KCNH1: variants seen among roughly 807,000 people sequenced by gnomAD.
KCNH1 encodes voltage-gated delayed rectifier potassium channel KCNH1.
KCNH1 carries 27 observed loss-of-function variants against 69.2 expected under a neutral mutation model. That is an observed-to-expected ratio of 0.39 (90% CI 0.29 to 0.54). The LOEUF is 0.54. KCNH1 is among the 20% of genes least tolerant of loss of function. The pLI is 0.68. For missense variants in KCNH1, 798 were observed against 1,261.6 expected (o/e 0.63, Z 5.57); for synonymous variants, 456 against 487.7 (o/e 0.93, Z 0.86).
At chr1:211,110,374 T>C (rs2102488572) in intron 1 of KCNH1, among the ~76,000 whole-genome samples, 1 of 152,198 alleles carries the variant, frequency 6.6e-6, no homozygotes, top group African/African-American at 2.4e-5. Context: ...GACTAGAAGT[T>C]CCAAAAGAGA....
At chr1:210,707,077 G>A (rs1197059202) in intron 10 of KCNH1, among the ~76,000 whole-genome samples, 2 of 151,042 alleles carry the variant, frequency 1.3e-5, no homozygotes, top group African/African-American at 5.0e-5. Context: ...GCGCGCGCAC[G>A]TGTATGTGTG....
chr1:210,773,626 T>C (rs1366163491), intron 10 of KCNH1, among the ~76,000 whole-genome samples: 1 of 151,360 alleles, frequency 6.6e-6, no homozygotes, highest in Non-Finnish European at 1.5e-5. Context: ...CAGTAGATCA[T>C]TGGCCCCTTC....
intron 6 of KCNH1, among the ~76,000 whole-genome samples, chr1:210,986,504 G>T (rs1430053949): frequency 6.6e-6 from 1 of 152,070 alleles, no homozygotes; most frequent in Admixed American, 6.5e-5. Context: ...CTCAGCATTT[G>T]CTTGTCTGTA....
intron 7 of KCNH1, among the ~76,000 whole-genome samples, chr1:210,833,529 C>T (rs1412608849): frequency 1.3e-5 from 2 of 152,116 alleles, no homozygotes; most frequent in African/African-American, 2.4e-5. Flanking sequence ...ACACAAAAAT[C>T]AATTCAAGAT....
chr1:211,112,956 T>C (rs1691501794), intron 1 of KCNH1, among the ~76,000 whole-genome samples: 1 of 152,192 alleles, frequency 6.6e-6, no homozygotes, highest in African/African-American at 2.4e-5. Flanking sequence ...ATAAATACCA[T>C]AACACCACAT....
intron 10 of KCNH1, among the ~76,000 whole-genome samples, chr1:210,733,228 T>G (rs1682788134): frequency 6.6e-6 from 1 of 152,214 alleles, no homozygotes; most frequent in South Asian, 2.1e-4. Context: ...GGGTAGATAT[T>G]TTCTGAATGG....
At chr1:210,914,578 T>A (rs1043139365) in intron 7 of KCNH1, among the ~76,000 whole-genome samples, 1 of 151,982 alleles carries the variant, frequency 6.6e-6, no homozygotes, top group Non-Finnish European at 1.5e-5. Flanking sequence ...TGTCTCTTCC[T>A]CCCAGGCAAG....
chr1:210,980,305 C>T (rs570286276), intron 6 of KCNH1, among the ~76,000 whole-genome samples: 38 of 152,294 alleles, frequency 2.5e-4, no homozygotes, highest in African/African-American at 8.9e-4. Context: ...GGCCCATAAT[C>T]AGAAAAGATC....
chr1:210,985,105 T>A (rs1688803149), intron 6 of KCNH1, among the ~76,000 whole-genome samples: 1 of 152,236 alleles, frequency 6.6e-6, no homozygotes, highest in Non-Finnish European at 1.5e-5. Flanking sequence ...TGGTAGTTCG[T>A]ATTTCTGTGG....
intron 6 of KCNH1, among the ~76,000 whole-genome samples, chr1:210,984,414 T>A (rs1340008098): frequency 1.3e-5 from 2 of 152,168 alleles, no homozygotes; most frequent in Non-Finnish European, 2.9e-5. Flanking sequence ...GTGGGTTTGT[T>A]ATAGATAGCT....
intron 6 of KCNH1, among the ~76,000 whole-genome samples, chr1:210,930,367 C>A (rs1234202499): frequency 6.6e-6 from 1 of 151,992 alleles, no homozygotes. Flanking sequence ...AATAAGGAAC[C>A]CAGAAATAAA....
chr1:211,026,293 C>T (rs1354807109), intron 5 of KCNH1, among the ~76,000 whole-genome samples: 1 of 149,728 alleles, frequency 6.7e-6, no homozygotes, highest in African/African-American at 2.5e-5. Context: ...CAGTGGTGAG[C>T]TCTCTGGGTT....
intron 7 of KCNH1, among the ~76,000 whole-genome samples, chr1:210,821,510 T>A (rs560128601): frequency 6.6e-6 from 1 of 152,194 alleles, no homozygotes; most frequent in African/African-American, 2.4e-5. Context: ...GTATCACCTA[T>A]AAACTGCAGT....
At chr1:210,769,946 C>A (rs956215796) in intron 10 of KCNH1, among the ~76,000 whole-genome samples, 3 of 152,122 alleles carry the variant, frequency 2.0e-5, no homozygotes, top group African/African-American at 4.8e-5. Flanking sequence ...GTGGTTCCTG[C>A]AGGTAATGTG....
chr1:210,907,260 C>A (rs558973135), intron 7 of KCNH1, among the ~76,000 whole-genome samples: 1 of 152,156 alleles, frequency 6.6e-6, no homozygotes, highest in Non-Finnish European at 1.5e-5. Flanking sequence ...GGTACAATGG[C>A]TCTTCTTAAG....
At chr1:210,968,005 T>A (rs886384923) in intron 6 of KCNH1, among the ~76,000 whole-genome samples, 2 of 152,160 alleles carry the variant, frequency 1.3e-5, no homozygotes, top group African/African-American at 4.8e-5. Flanking sequence ...CTCCCGATGC[T>A]ATCCCCGCCC....
At chr1:210,964,258 G>A (rs1008433420) in intron 6 of KCNH1, among the ~76,000 whole-genome samples, 3 of 152,128 alleles carry the variant, frequency 2.0e-5, no homozygotes, top group Admixed American at 6.5e-5. Context: ...GTCACCACCA[G>A]GCCTGCCTTA....
intron 7 of KCNH1, among the ~76,000 whole-genome samples, chr1:210,832,723 T>G (rs1340293675): frequency 6.6e-6 from 1 of 151,966 alleles, no homozygotes; most frequent in Non-Finnish European, 1.5e-5. Flanking sequence ...TTCTTTATAC[T>G]TGACAGAGCA....
At chr1:210,998,319 C>A (rs547830244) in intron 6 of KCNH1, among the ~76,000 whole-genome samples, 46 of 152,236 alleles carry the variant, frequency 3.0e-4, no homozygotes, top group African/African-American at 1.1e-3. Flanking sequence ...GGAGGAAGAT[C>A]TACCAAGAAA....
Sources: allele counts gnomAD v4.1 joint callset (sites outside exome capture counted in the v4.1 genomes callset), GRCh38; gene constraint gnomAD v4.1.1; transcripts MANE v1.5; gene names NCBI Gene and HGNC (gene_info 2026-07-23, HGNC 2026-07-21).